DAB1: variants seen among roughly 807,000 people sequenced by gnomAD.
DAB1 encodes DAB adaptor protein 1, also known as disabled homolog 1.
A neutral mutation model predicts 64.6 loss-of-function variants in DAB1; 15 were observed. The observed-to-expected ratio is 0.23, with a 90% CI of 0.16 to 0.36. The LOEUF is 0.36. Among genes scored for constraint, DAB1 ranks in the 10% least tolerant of loss-of-function variants. DAB1 has a pLI of 1.00. For missense variants in DAB1, 596 were observed against 706.7 expected (o/e 0.84, Z 1.78); for synonymous variants, 235 against 251.9 (o/e 0.93, Z 0.64).
chr1:58,489,064 G>T (rs555946445), intron 3 of DAB1, among the ~76,000 whole-genome samples: 5 of 152,360 alleles, frequency 3.3e-5, no homozygotes, highest in African/African-American at 9.6e-5. Flanking sequence ...GGTACTGGGT[G>T]CATCTCACTG....
chr1:58,293,040 G>A (rs1661883850), intron 4 of DAB1, among the ~76,000 whole-genome samples: 1 of 152,212 alleles, frequency 6.6e-6, no homozygotes, highest in Non-Finnish European at 1.5e-5. Context: ...TGCACAGTGA[G>A]GCAATGATAA....
At chr1:58,262,734 A>G (rs1355470017) in intron 4 of DAB1, among the ~76,000 whole-genome samples, 3 of 152,228 alleles carry the variant, frequency 2.0e-5, no homozygotes, top group Non-Finnish European at 2.9e-5. Flanking sequence ...CGTTAGGCAC[A>G]ATTATTCATC....
chr1:57,569,599 TGGTGGGGGTAGGGGGGAGGGATAGCATTA>T (rs1241594601), intron 7 of DAB1, among the ~76,000 whole-genome samples: 2 of 134,380 alleles, frequency 1.5e-5, no homozygotes, highest in African/African-American at 5.5e-5. Flanking sequence ...GCCTGTTGTG[TGGTGGGGGTAGGGGGGAGGGATAGCATTA>T]GGAGATAAAC....
intron 9 of DAB1, among the ~76,000 whole-genome samples, chr1:57,048,212 G>C (rs1648776635): frequency 6.6e-6 from 1 of 152,164 alleles, no homozygotes; most frequent in Non-Finnish European, 1.5e-5. Context: ...AGGCTGCAAA[G>C]CTCATACTCT....
At chr1:58,110,381 A>C (rs1162240875) in intron 5 of DAB1, among the ~76,000 whole-genome samples, 1 of 152,250 alleles carries the variant, frequency 6.6e-6, no homozygotes, top group Non-Finnish European at 1.5e-5. Context: ...TGTGTAGCAA[A>C]TGCTATCAGA....
chr1:57,309,345 T>A lies in DAB1; in HGVS notation c.-136-18179A>T, dbSNP rs371250750. 8.4e-4 allele frequency among the ~76,000 whole-genome samples: 128 copies of A among 152,304 alleles called. 2 individuals carry two copies. The highest frequency in any genetic ancestry group is 2.9e-3 in the African/African-American group (122 of 41,570). On this transcript the variant is annotated intron_variant, in intron 1 of 14. Coordinates refer to ENST00000371236, the MANE Select transcript of DAB1 (RefSeq NM_001365792.1). ...CATAACATCTGTCGCAGAGAATACT[T>A]CCATATGATTTGTATTATTAGGCAA...
At chr1:58,486,537 C>T (rs1476031416) in intron 3 of DAB1, among the ~76,000 whole-genome samples, 2 of 152,128 alleles carry the variant, frequency 1.3e-5, no homozygotes, top group Non-Finnish European at 2.9e-5. Context: ...ACACATCATG[C>T]AATCATTTAA....
At chr1:58,321,073 T>C (rs1662669771) in intron 4 of DAB1, among the ~76,000 whole-genome samples, 1 of 152,134 alleles carries the variant, frequency 6.6e-6, no homozygotes, top group African/African-American at 2.4e-5. Context: ...AGTTTAGGAG[T>C]TGTAGTGGCT....
intron 2 of DAB1, among the ~76,000 whole-genome samples, chr1:57,262,657 G>T (rs1363636175): frequency 6.6e-6 from 1 of 152,206 alleles, no homozygotes; most frequent in African/African-American, 2.4e-5. Flanking sequence ...AGACTCATTT[G>T]CATCCAGACT....
chr1:57,275,759 G>A (rs1026125999), intron 2 of DAB1, among the ~76,000 whole-genome samples: 1 of 152,172 alleles, frequency 6.6e-6, no homozygotes, highest in Admixed American at 6.5e-5. Flanking sequence ...TGCCCGCAAA[G>A]GGGAGCCCAC....
rs115299519 is a variant in DAB1 at position 57,562,481 on chromosome 1, A to C, written n.625+87111T>G. 6.7e-3 allele frequency among the ~76,000 whole-genome samples: 1,018 copies of C among 152,382 alleles called. 9 individuals are homozygous for C. Among genetic ancestry groups the C allele is most frequent in the African/African-American group, 0.024 (982 of 41,598 alleles). ...ATCATCTCAAAGCAGTTGGATTGAC[A>C]GAATGGCAGAATGGCCTTTTGAAGT... On this transcript the variant is annotated intron_variant and non_coding_transcript_variant, in intron 7 of 20. Coordinates refer to the DAB1 transcript ENST00000485760.
chr1:58,463,601 T>C (rs1645265433), intron 3 of DAB1, among the ~76,000 whole-genome samples: 1 of 152,232 alleles, frequency 6.6e-6, no homozygotes, highest in Admixed American at 6.5e-5. Context: ...CATAAGGTCA[T>C]ATGCATGCTT....
At chr1:57,292,730 C>G (rs1422301496) in intron 1 of DAB1, among the ~76,000 whole-genome samples, 2 of 152,076 alleles carry the variant, frequency 1.3e-5, no homozygotes, top group African/African-American at 4.8e-5. Context: ...AGACATTTAC[C>G]ATGTAACCAT....
chr1:57,590,514 G>A (rs1645432317), intron 7 of DAB1, among the ~76,000 whole-genome samples: 1 of 151,758 alleles, frequency 6.6e-6, no homozygotes, highest in South Asian at 2.1e-4. Flanking sequence ...TGTATTTTTA[G>A]TAGAGATGGG....
At chr1:57,335,892 C>T (rs1457308143) in intron 1 of DAB1, among the ~76,000 whole-genome samples, 1 of 152,232 alleles carries the variant, frequency 6.6e-6, no homozygotes, top group African/African-American at 2.4e-5. Flanking sequence ...ATTTTGAATC[C>T]CACAGAAAAA....
chr1:58,096,819 T>C (rs560577268), intron 5 of DAB1, among the ~76,000 whole-genome samples: 65 of 152,364 alleles, frequency 4.3e-4, no homozygotes, highest in African/African-American at 1.5e-3. Flanking sequence ...GATTCACATG[T>C]GTTAACTGCA....
chr1:57,131,349 G>A (rs1657638575), intron 4 of DAB1, among the ~76,000 whole-genome samples: 1 of 152,184 alleles, frequency 6.6e-6, no homozygotes, highest in African/African-American at 2.4e-5. Flanking sequence ...ACTGTTGGAT[G>A]TAAATGAGAC....
At chr1:57,602,525 G>T (rs573712756) in intron 7 of DAB1, among the ~76,000 whole-genome samples, 96 of 152,246 alleles carry the variant, frequency 6.3e-4, no homozygotes, top group Middle Eastern at 6.8e-3. Flanking sequence ...AAAGGATGAG[G>T]GTGAGTATGT....
At chr1:57,909,177 T>C (rs746891099) in intron 5 of DAB1, among the ~76,000 whole-genome samples, 2 of 152,210 alleles carry the variant, frequency 1.3e-5, no homozygotes, top group Non-Finnish European at 2.9e-5. Context: ...TTGTGGGTTC[T>C]AGTCTTGGTT....
Sources: gnomAD v4.1 joint callset for allele counts (sites outside exome capture counted in the v4.1 genomes callset) on GRCh38, gnomAD v4.1.1 for gene constraint, MANE v1.5 for transcripts, NCBI Gene and HGNC (gene_info 2026-07-23, HGNC 2026-07-21) for gene names.